Variants in HEATR5A observed in about 807,000 individuals in gnomAD.
The protein encoded by HEATR5A is HEAT repeat-containing protein 5A.
A neutral mutation model predicts 218.8 loss-of-function variants in HEATR5A; 178 were observed. The ratio of observed to expected loss-of-function variants is 0.81; its 90% CI spans 0.72 to 0.92. The LOEUF (loss-of-function observed/expected upper bound fraction) is 0.92, where lower values mean the gene tolerates loss of function less well. Ranked by LOEUF, HEATR5A falls within the 40% of genes least tolerant of loss-of-function variation. The pLI, the probability that HEATR5A is intolerant of heterozygous loss-of-function variation, is 0.00. For missense variants in HEATR5A, 2,420 were observed against 2,418.9 expected (o/e 1.00, Z -0.01); for synonymous variants, 864 against 871.6 (o/e 0.99, Z 0.15).
chr14:31,342,312 C>T (rs1461965419), intron 21 of HEATR5A, among the ~76,000 whole-genome samples: 4 of 152,092 alleles, frequency 2.6e-5, no homozygotes, highest in African/African-American at 9.7e-5. Flanking sequence ...CACTTGAGCC[C>T]AGGAGTTCGA....
chr14:31,407,115 C>T (rs932015902), intron 1 of HEATR5A, among the ~76,000 whole-genome samples: 1 of 150,576 alleles, frequency 6.6e-6, no homozygotes, highest in Non-Finnish European at 1.5e-5. Flanking sequence ...CATAATGAGA[C>T]CCCCATCTCT....
At chr14:31,351,026 C>T (rs1901208037) in intron 16 of HEATR5A, among the ~76,000 whole-genome samples, 2 of 152,062 alleles carry the variant, frequency 1.3e-5, no homozygotes, top group Non-Finnish European at 2.9e-5. Context: ...AGTGATCCGC[C>T]CACCTTGGCC....
chr14:31,361,368 A>C (rs1335996227), intron 14 of HEATR5A, among the ~76,000 whole-genome samples: 1 of 152,254 alleles, frequency 6.6e-6, no homozygotes, highest in Non-Finnish European at 1.5e-5. Flanking sequence ...GATTACATAC[A>C]GGAATTAGGA....
At chr14:31,301,689 C>T (rs1307611656) in intron 33 of HEATR5A, among the ~76,000 whole-genome samples, 9 of 151,952 alleles carry the variant, frequency 5.9e-5, no homozygotes, top group African/African-American at 1.9e-4. Context: ...GATGGGGTTT[C>T]ACCATGTTGG....
At chr14:31,302,164 C>T in intron 33 of HEATR5A, 131 bp downstream of exon 33, 1 of 672,652 alleles carries the variant, frequency 1.5e-6, no homozygotes, top group South Asian at 1.9e-5. Context: ...ATCCTCTAAA[C>T]ACATAGTATT....
At chr14:31,323,906 C>T in intron 23 of HEATR5A, 102 bp from the exon 24 acceptor site, 5 of 736,386 alleles carry the variant, frequency 6.8e-6, no homozygotes, top group Non-Finnish European at 1.1e-5. Flanking sequence ...ACTAGAATTG[C>T]TCAACTATCA....
Position 31,308,945 on chromosome 14 carries a change from T to C in HEATR5A, c.4679A>G (p.His1560Arg), listed in dbSNP as rs374775156. The change falls in exon 29 of 36, where the codon CAT becomes CGT. Residue 1560 changes from histidine to arginine, a missense_variant. Transcript: ENST00000543095. ...GTGGTTTAACTGACCTAAAATAAGA[T>C]GGAATCTATCAGTGTAGACATCCTC... ...SPEDVYTDRF[H>R]LILGISVEFL... The C allele has an allele frequency of 1.5e-4, 236 of 1,610,876 alleles. No homozygotes were observed. Among genetic ancestry groups the C allele is most frequent in the African/African-American group, 5.6e-4 (42 of 74,582 alleles).
intron 25 of HEATR5A, chr14:31,320,398 C>T (rs1900053060): frequency 9.3e-7 from 1 of 1,078,636 alleles, no homozygotes. Flanking sequence ...CTGAATCAGC[C>T]ACACCAACTG....
At chr14:31,325,932 C>G in intron 23 of HEATR5A, 1 of 563,344 alleles carries the variant, frequency 1.8e-6, no homozygotes, top group Admixed American at 3.2e-5. Flanking sequence ...GGAAAGTCAT[C>G]TAAGACAGCC....
Position 31,304,856 on chromosome 14 carries a change from A to C in HEATR5A, c.5239+49T>G, listed in dbSNP as rs1224777076. On this transcript the variant is annotated intron_variant, in intron 32 of 35. Transcript: ENST00000543095. ...GCAACTAGACTCCATTATCTATTAA[A>C]ACCATTTCTCTTCTAGGTCAAGTCA... 3 of 1,584,128 alleles carry C rather than the reference A, an allele frequency of 1.9e-6. No individual in the cohort carries two copies. In the South Asian group the frequency reaches 3.5e-5, roughly 18 times the overall value.
At chr14:31,331,373 A>G (rs1303290337) in intron 22 of HEATR5A, among the ~76,000 whole-genome samples, 3 of 152,160 alleles carry the variant, frequency 2.0e-5, no homozygotes, top group Non-Finnish European at 4.4e-5. Context: ...CCTTTACTAC[A>G]ATTCCTAGAA....
In HEATR5A at chr14:31,349,886, A is replaced by G; in HGVS notation, c.2611T>C (p.Leu871=). Residue 871 remains leucine (L), a synonymous_variant, in exon 18 of 36, where the codon TTG becomes CTG. Transcript: ENST00000543095. ...VMGALESPNP[L]LRCAAAESWA... The stretch of plus-strand genomic sequence containing the variant: ...GACTCTGCAGCTGCACATCTCAGCA[A>G]GGGGTTGGGGCTTTCTAGGGCTCCC... 6.2e-7 allele frequency: 1 copy of G among 1,612,862 alleles called. No individual in the cohort carries two copies. Among genetic ancestry groups the G allele is most frequent in the Non-Finnish European group, 8.5e-7 (1 of 1,179,216 alleles).
chr14:31,386,244 C>T (rs2030214500), intron 9 of HEATR5A, among the ~76,000 whole-genome samples, 176 bp downstream of exon 9: 1 of 152,066 alleles, frequency 6.6e-6, no homozygotes, highest in East Asian at 1.9e-4. Flanking sequence ...TCTTTAATTA[C>T]AGAAGAAAAA....
chr14:31,385,079 A>C (rs1380306832), intron 9 of HEATR5A, among the ~76,000 whole-genome samples: 3 of 152,210 alleles, frequency 2.0e-5, no homozygotes, highest in African/African-American at 7.2e-5. Context: ...ACACAAATAT[A>C]ATGTAAAGTT....
At chr14:31,308,881 A>C in intron 29 of HEATR5A, 53 bp downstream of exon 29, 2 of 1,505,568 alleles carry the variant, frequency 1.3e-6, no homozygotes, top group Non-Finnish European at 1.8e-6. Context: ...TCTCAAAAAA[A>C]AAAAAACAAA....
In HEATR5A at chr14:31,416,035, C is replaced by T. The variant is rs536171398; in HGVS notation, c.-75+4437G>A. The stretch of plus-strand genomic sequence containing the variant: ...GCAGGATCTCAGCTCGCTGCAACCT[C>T]TACCTCATGGGTTCAAACGATTCTC... On this transcript the variant is annotated intron_variant, in intron 1 of 35. Transcript: ENST00000543095. Among the ~76,000 whole-genome samples the T allele has an allele frequency of 6.6e-5, 10 of 152,164 alleles. No homozygotes were observed. In the South Asian group the frequency reaches 2.1e-3, roughly 32 times the overall value.
intron 7 of HEATR5A, 108 bp from the exon 8 acceptor site, chr14:31,387,483 G>C: frequency 3.5e-6 from 3 of 855,468 alleles, no homozygotes; most frequent in Non-Finnish European, 1.8e-6. Context: ...CTTATAAATT[G>C]TATTCTTTCC....
chr14:31,403,071 T>A, intron 1 of HEATR5A, 22 bp from the exon 2 acceptor site: 1 of 1,162,068 alleles, frequency 8.6e-7, no homozygotes. Flanking sequence ...GAAAATAATG[T>A]ATTTTAAAAG....
chr14:31,350,479 AC>A, intron 17 of HEATR5A, 132 bp downstream of exon 17: 1 of 612,178 alleles, frequency 1.6e-6, no homozygotes, highest in Non-Finnish European at 2.9e-6. Flanking sequence ...AATCCTGAAA[AC>A]TTTTCATCAA....
Sources: allele counts gnomAD v4.1 joint callset (sites outside exome capture counted in the v4.1 genomes callset), GRCh38; gene constraint gnomAD v4.1.1; transcripts MANE v1.5; gene names NCBI Gene and HGNC (gene_info 2026-07-23, HGNC 2026-07-21).